MEF2B: variants seen among roughly 807,000 people sequenced by gnomAD.
The protein encoded by MEF2B is myocyte enhancer factor 2B.
Under a neutral mutation model 32.2 loss-of-function variants are expected in MEF2B, and 15 were observed. That is an observed-to-expected ratio of 0.47 (90% confidence interval 0.31 to 0.72). The LOEUF (loss-of-function observed/expected upper bound fraction) is 0.72. MEF2B is among the 30% of genes least tolerant of loss of function. The pLI is 0.05. For missense variants in MEF2B, 441 were observed against 511.5 expected (o/e 0.86, Z 1.33); for synonymous variants, 205 against 225.6 (o/e 0.91, Z 0.82).
chr19:19,159,241 TAAAAA>T (rs35056015), intron 1 of MEF2B, among the ~76,000 whole-genome samples: 8 of 88,010 alleles, frequency 9.1e-5, no homozygotes, highest in African/African-American at 3.7e-4. Flanking sequence ...GTGCGTGGCC[TAAAAA>T]AAAAAAAAAA....
In MEF2B at chr19:19,152,149, C is replaced by T. The variant is rs2060087833; in HGVS notation, c.-29-1385G>A. ...CTAATTTTTGTATTTTTAGTAGAGA[C>T]GAGGTTTCACCATGTTGGTCAGGCT... On this transcript the variant is annotated intron_variant, in intron 1 of 8. Transcript: ENST00000424583. 2.6e-5 allele frequency among the ~76,000 whole-genome samples: 4 copies of T among 151,394 alleles called. No homozygotes were observed. The South Asian group carries it at 6.3e-4, about 24-fold the overall frequency.
At chr19:19,156,384 C>T (rs955267502) in intron 1 of MEF2B, among the ~76,000 whole-genome samples, 3 of 151,324 alleles carry the variant, frequency 2.0e-5, no homozygotes, top group Non-Finnish European at 4.4e-5. Context: ...CATAGCGAGA[C>T]CCCTATCTCT....
In MEF2B at chr19:19,152,023, C is replaced by T. The variant is rs1054810405; in HGVS notation, c.-29-1259G>A. On this transcript the variant is annotated intron_variant, in intron 1 of 8. Coordinates refer to ENST00000424583, the MANE Select transcript of MEF2B (RefSeq NM_001145785.2). ...TTGCCCAGGCTGGAGGGCAATGGCG[C>T]GATCTCGGCTCACTAAAACCTCCGC... Among the ~76,000 whole-genome samples, 17 of 147,820 alleles carry T rather than the reference C, an allele frequency of 1.2e-4. 1 individual carries two copies. The highest frequency in any genetic ancestry group is 2.2e-4 in the Non-Finnish European group (15 of 67,474).
At chr19:19,146,474 G>A in intron 7 of MEF2B, 81 bp downstream of exon 7, 2 of 1,388,818 alleles carry the variant, frequency 1.4e-6, no homozygotes, top group East Asian at 5.1e-5. Context: ...TTGAGTTCTG[G>A]TGGGTGGGAG....
intron 7 of MEF2B, 61 bp downstream of exon 7, chr19:19,146,493 AC>A: frequency 1.4e-6 from 2 of 1,442,730 alleles, no homozygotes; most frequent in African/African-American, 1.4e-5. Flanking sequence ...AGGGTGTGGA[AC>A]CCCCAGAGGG....
chr19:19,168,849 G>A (rs2060230556), intron 1 of MEF2B, among the ~76,000 whole-genome samples: 1 of 151,720 alleles, frequency 6.6e-6, no homozygotes, highest in Non-Finnish European at 1.5e-5. Flanking sequence ...GATCACATGA[G>A]ACCAGCCTGG....
At chr19:19,159,779 C>G (rs2060145732) in intron 1 of MEF2B, among the ~76,000 whole-genome samples, 1 of 152,064 alleles carries the variant, frequency 6.6e-6, no homozygotes, top group African/African-American at 2.4e-5. Flanking sequence ...TATCATCTCC[C>G]CAGCCTGGCG....
chr19:19,167,022 GA>G (rs1269151647), intron 1 of MEF2B, among the ~76,000 whole-genome samples: 1 of 151,536 alleles, frequency 6.6e-6, no homozygotes, highest in Non-Finnish European at 1.5e-5. Flanking sequence ...TGGGCAACAT[GA>G]CAAGACCCCA....
intron 8 of MEF2B, 29 bp from the exon 9 acceptor site, chr19:19,146,051 T>G (rs1336653377): frequency 7.1e-7 from 1 of 1,401,818 alleles, no homozygotes; most frequent in East Asian, 2.8e-5. Context: ...AGGGAGGCCG[T>G]GAGCTCAGCG....
intron 1 of MEF2B, among the ~76,000 whole-genome samples, chr19:19,151,082 G>A (rs950086204): frequency 6.6e-6 from 1 of 151,992 alleles, no homozygotes; most frequent in African/African-American, 2.4e-5. Flanking sequence ...TTGAAACCCC[G>A]GCTCTACAAA....
intron 4 of MEF2B, 99 bp downstream of exon 4, chr19:19,147,599 G>A: frequency 6.5e-7 from 1 of 1,546,028 alleles, no homozygotes; most frequent in Non-Finnish European, 8.7e-7. Context: ...CAAACTCTAG[G>A]ATCCCTGGCT....
At chr19:19,168,565 G>A (rs571670607) in intron 1 of MEF2B, among the ~76,000 whole-genome samples, 5 of 150,836 alleles carry the variant, frequency 3.3e-5, no homozygotes, top group East Asian at 2.0e-4. Flanking sequence ...GAGCCACCGC[G>A]CCTGGCCATT....
chr19:19,169,059 A>T (rs565899824), intron 1 of MEF2B, among the ~76,000 whole-genome samples: 16 of 151,374 alleles, frequency 1.1e-4, no homozygotes, highest in South Asian at 6.3e-4. Flanking sequence ...CTCAAAAAAA[A>T]TTTTTTTTTA....
chr19:19,152,713 G>T (rs1053231107), intron 1 of MEF2B, among the ~76,000 whole-genome samples: 1 of 152,200 alleles, frequency 6.6e-6, no homozygotes, highest in African/African-American at 2.4e-5. Context: ...AAAACAGAAA[G>T]AAAGAAATCC....
At chr19:19,159,561 G>T (rs1478231011) in intron 1 of MEF2B, among the ~76,000 whole-genome samples, 1 of 152,160 alleles carries the variant, frequency 6.6e-6, no homozygotes, top group Non-Finnish European at 1.5e-5. Context: ...CTGGGCAGAA[G>T]TGGTGACCAA....
chr19:19,151,119 G>A (rs903277637), intron 1 of MEF2B, among the ~76,000 whole-genome samples: 1 of 152,142 alleles, frequency 6.6e-6, no homozygotes, highest in African/African-American at 2.4e-5. Context: ...CAGGCATGGT[G>A]GCACACGTCT....
intron 1 of MEF2B, among the ~76,000 whole-genome samples, chr19:19,152,392 A>AG (rs1568548895): frequency 7.2e-6 from 1 of 139,192 alleles, no homozygotes; most frequent in African/African-American, 2.9e-5. Flanking sequence ...AAAAAAAAAA[A>AG]GAAAAAGAAA....
chr19:19,162,566 T>TG (rs2060172814), intron 1 of MEF2B, among the ~76,000 whole-genome samples: 1 of 152,286 alleles, frequency 6.6e-6, no homozygotes, highest in Non-Finnish European at 1.5e-5. Context: ...GAAGGCCCCA[T>TG]GGGGGTCCTT....
At chr19:19,155,030 G>C (rs1030556839) in intron 1 of MEF2B, among the ~76,000 whole-genome samples, 5 of 152,114 alleles carry the variant, frequency 3.3e-5, no homozygotes, top group African/African-American at 9.7e-5. Flanking sequence ...ACTCACGCAG[G>C]AGTTTCACTC....
Sources: gnomAD v4.1 joint callset for allele counts (sites outside exome capture counted in the v4.1 genomes callset) on GRCh38, gnomAD v4.1.1 for gene constraint, MANE v1.5 for transcripts, NCBI Gene and HGNC (gene_info 2026-07-23, HGNC 2026-07-21) for gene names.